The following PRKD1 variants were observed in gnomAD, a reference collection of about 807,000 sequenced individuals.
The protein encoded by PRKD1 is serine/threonine-protein kinase D1.
In PRKD1, 63 loss-of-function variants were observed where a neutral mutation model predicts 95.9. The observed-to-expected ratio is 0.66, with a 90% CI of 0.54 to 0.81. PRKD1 has a LOEUF of 0.81. Ranked by LOEUF, PRKD1 falls within the 30% of genes least tolerant of loss-of-function variation. PRKD1 has a pLI of 0.00. For missense variants in PRKD1, 1,048 were observed against 1,165.3 expected, an observed-to-expected ratio of 0.90 and a Z score of 1.47; for synonymous variants, 425 against 423.1, an observed-to-expected ratio of 1.00 and a Z score of -0.05.
chr14:29,644,191 C>T (rs1198509823), intron 4 of PRKD1, among the ~76,000 whole-genome samples: 1 of 152,152 alleles, frequency 6.6e-6, no homozygotes, highest in Non-Finnish European at 1.5e-5. Flanking sequence ...AAACTGTTAA[C>T]ACTGACATAC....
chr14:29,889,580 T>C (rs1300858816), intron 1 of PRKD1, among the ~76,000 whole-genome samples: 2 of 152,190 alleles, frequency 1.3e-5, no homozygotes, highest in African/African-American at 4.8e-5. Context: ...TGAGTTCATG[T>C]CCTTTGCAGG....
chr14:29,593,782 A>G (rs2138995400), intron 16 of PRKD1, among the ~76,000 whole-genome samples: 1 of 152,346 alleles, frequency 6.6e-6, no homozygotes, highest in South Asian at 2.1e-4. Flanking sequence ...AGTTACAGAT[A>G]GGTTTCTGTT....
intron 2 of PRKD1, among the ~76,000 whole-genome samples, chr14:29,723,872 G>C (rs962541758): frequency 2.0e-5 from 3 of 152,048 alleles, no homozygotes; most frequent in African/African-American, 7.2e-5. Context: ...GTAAGGAAAT[G>C]GGCTGCTCTT....
intron 1 of PRKD1, among the ~76,000 whole-genome samples, chr14:29,862,836 T>C (rs1041046256): frequency 6.6e-6 from 1 of 152,184 alleles, no homozygotes; most frequent in Admixed American, 6.5e-5. Context: ...CTTTATTTTT[T>C]CCTTTGCTGT....
chr14:29,621,908 A>G (rs1368731600), intron 13 of PRKD1, among the ~76,000 whole-genome samples: 1 of 152,224 alleles, frequency 6.6e-6, no homozygotes, highest in Admixed American at 6.5e-5. Flanking sequence ...CCAGGAGCAG[A>G]ACTGGACTTT....
chr14:29,827,691 C>T (rs1307529328), intron 1 of PRKD1, among the ~76,000 whole-genome samples: 1 of 152,062 alleles, frequency 6.6e-6, no homozygotes, highest in Non-Finnish European at 1.5e-5. Context: ...AGAATACAGC[C>T]TAACCATAAG....
intron 1 of PRKD1, among the ~76,000 whole-genome samples, chr14:29,843,407 G>A (rs1182892122): frequency 6.6e-6 from 1 of 152,054 alleles, no homozygotes; most frequent in African/African-American, 2.4e-5. Context: ...AAATATGGAA[G>A]ATAAGTGCAA....
intron 2 of PRKD1, among the ~76,000 whole-genome samples, chr14:29,710,881 A>G (rs1437375928): frequency 2.6e-5 from 4 of 152,236 alleles, no homozygotes; most frequent in Middle Eastern, 3.4e-3. Context: ...CTAGGGTTTT[A>G]TCATCTATGA....
intron 1 of PRKD1, among the ~76,000 whole-genome samples, chr14:29,746,274 A>G (rs1056078577): frequency 6.6e-6 from 1 of 152,056 alleles, no homozygotes; most frequent in African/African-American, 2.4e-5. Flanking sequence ...GCTTATTCCT[A>G]ATATCAATAG....
At chr14:29,735,707 T>G (rs1886680611) in intron 1 of PRKD1, among the ~76,000 whole-genome samples, 1 of 152,234 alleles carries the variant, frequency 6.6e-6, no homozygotes, top group African/African-American at 2.4e-5. Context: ...GTCATTCACA[T>G]GCCTCTTTCT....
chr14:29,603,374 T>C (rs1273063888), intron 13 of PRKD1, among the ~76,000 whole-genome samples: 1 of 152,238 alleles, frequency 6.6e-6, no homozygotes, highest in Non-Finnish European at 1.5e-5. Flanking sequence ...TGGCCAAACT[T>C]GTTTTTATAT....
At chr14:29,810,950 T>C (rs927218603) in intron 1 of PRKD1, among the ~76,000 whole-genome samples, 15 of 152,250 alleles carry the variant, frequency 9.9e-5, no homozygotes, top group Non-Finnish European at 2.2e-4. Context: ...GGTTTTGTGC[T>C]GCTCTAGTCT....
intron 1 of PRKD1, among the ~76,000 whole-genome samples, chr14:29,757,261 CA>C (rs1217930722): frequency 1.3e-5 from 2 of 152,086 alleles, no homozygotes; most frequent in East Asian, 1.9e-4. Context: ...ATGCTAAACC[CA>C]AAGGATTCTG....
At chr14:29,687,140 A>T (rs941556904) in intron 2 of PRKD1, among the ~76,000 whole-genome samples, 2 of 139,880 alleles carry the variant, frequency 1.4e-5, no homozygotes, top group Admixed American at 6.9e-5. Flanking sequence ...CTATGAACTT[A>T]AAAAAAAAAG....
intron 13 of PRKD1, among the ~76,000 whole-genome samples, chr14:29,622,010 T>G (rs2139083156): frequency 6.6e-6 from 1 of 152,296 alleles, no homozygotes; most frequent in South Asian, 2.1e-4. Flanking sequence ...ATCTAATATT[T>G]TAGAGCCGTG....
intron 1 of PRKD1, among the ~76,000 whole-genome samples, chr14:29,753,969 C>A (rs1887589787): frequency 6.6e-6 from 1 of 152,124 alleles, no homozygotes; most frequent in Non-Finnish European, 1.5e-5. Context: ...GGCTGAGTTA[C>A]AGTATTCATT....
intron 13 of PRKD1, among the ~76,000 whole-genome samples, chr14:29,620,370 C>T (rs1879163961): frequency 6.7e-6 from 1 of 149,498 alleles, no homozygotes; most frequent in Admixed American, 6.7e-5. Context: ...AACGAAACTA[C>T]CATCAGAGTG....
intron 1 of PRKD1, among the ~76,000 whole-genome samples, chr14:29,903,066 A>G (rs1894374550): frequency 6.6e-6 from 1 of 152,198 alleles, no homozygotes; most frequent in Non-Finnish European, 1.5e-5. Flanking sequence ...AAGATGGAAA[A>G]ACGTTAATAA....
chr14:29,680,469 A>T (rs1883478766), intron 2 of PRKD1, among the ~76,000 whole-genome samples: 1 of 152,212 alleles, frequency 6.6e-6, no homozygotes, highest in Admixed American at 6.5e-5. Context: ...TAAGAAAGAA[A>T]AAAACCTACA....
Sources: allele counts gnomAD v4.1 joint callset (sites outside exome capture counted in the v4.1 genomes callset), GRCh38; gene constraint gnomAD v4.1.1; transcripts MANE v1.5; gene names NCBI Gene and HGNC (gene_info 2026-07-23, HGNC 2026-07-21).